Variants in RMI1 observed in about 807,000 individuals in gnomAD.
The protein encoded by RMI1 is RecQ mediated genome instability 1, also known as recQ-mediated genome instability protein 1.
In RMI1, 36 loss-of-function variants were observed where a neutral mutation model predicts 46.7. That is an observed-to-expected ratio of 0.77 (90% CI 0.59 to 1.02). The LOEUF (loss-of-function observed/expected upper bound fraction) is 1.02, where lower values mean the gene tolerates loss of function less well. RMI1 is among the 50% of genes least tolerant of loss of function. The pLI is 0.00. For synonymous variants in RMI1, 250 were observed against 252.9 expected (o/e 0.99, Z 0.11); for missense variants, 676 against 713.7 (o/e 0.95, Z 0.60).
intron 1 of RMI1, among the ~76,000 whole-genome samples, chr9:83,989,472 C>T (rs957267156): frequency 5.3e-5 from 8 of 151,960 alleles, no homozygotes; most frequent in Non-Finnish European, 1.0e-4. Flanking sequence ...ATATAAGGAG[C>T]TGAAACAATG....
At chr9:83,992,115 A>G (rs1957583800) in intron 1 of RMI1, among the ~76,000 whole-genome samples, 1 of 152,224 alleles carries the variant, frequency 6.6e-6, no homozygotes, top group Non-Finnish European at 1.5e-5. Context: ...ATCCATGAAC[A>G]CATCCATATC....
At chr9:83,993,669 G>A (rs1257165757) in intron 1 of RMI1, among the ~76,000 whole-genome samples, 1 of 152,036 alleles carries the variant, frequency 6.6e-6, no homozygotes, top group Admixed American at 6.6e-5. Context: ...TTTGATATTG[G>A]CACTTCTAAC....
Position 84,001,570 on chromosome 9 carries a change from A to G in RMI1, c.584A>G (p.Asp195Gly). The G allele has an allele frequency of 6.2e-7, 1 of 1,613,978 alleles. No homozygotes were observed. The highest frequency in any genetic ancestry group is 1.1e-5 in the South Asian group (1 of 91,082). ...ENVKVLGGEV[D>G]ALLEEYAQEK... ...GTGAAAGTGTTAGGAGGTGAAGTAG[A>G]TGCTCTTTTAGAAGAATATGCCCAA... The change falls in exon 3 of 3, where the codon GAT (aspartate) becomes GGT (glycine). Residue 195 changes from aspartate (D) to glycine (G), a missense_variant. Physicochemically the swap from Asp to Gly is moderately conservative, Grantham distance 94. Transcript: ENST00000445877.
chr9:84,003,025 A>T lies in RMI1; in HGVS notation c.*161A>T. ...GTTTAATCATGTTTGTTATATGTGGAGCTTTTGAAAATAAGTTAATCTTTT... is the reference window on the plus strand; with the variant it reads ...GTTTAATCATGTTTGTTATATGTGGTGCTTTTGAAAATAAGTTAATCTTTT... On this transcript the variant is annotated 3_prime_UTR_variant, in exon 3 of 3. Transcript: ENST00000445877. 2.0e-6 allele frequency: 1 copy of T among 488,256 alleles called. No individual in the cohort carries two copies. The highest frequency in any genetic ancestry group is 3.8e-5 in the Admixed American group (1 of 26,248). The allele number at this position is 488,256 out of a possible 1,614,324, so 30.2% of individuals were successfully genotyped here.
chr9:84,003,040 G>C lies in RMI1; in HGVS notation c.*176G>C, dbSNP rs950173010. 2 of 374,498 alleles carry C rather than the reference G, an allele frequency of 5.3e-6. No homozygotes were observed. The highest frequency in any genetic ancestry group is 7.7e-4 in the Middle Eastern group (1 of 1,304). 23.2% of individuals were successfully genotyped at this position (374,498 alleles called of 1,614,324 possible). A position where few individuals can be genotyped will look rare whatever the true frequency, so the allele number is the denominator to read the frequency against. The stretch of plus-strand genomic sequence containing the variant: ...TTATATGTGGAGCTTTTGAAAATAA[G>C]TTAATCTTTTTTTTTTTTTTTTTAA... On this transcript the variant is annotated 3_prime_UTR_variant, in exon 3 of 3. Coordinates refer to ENST00000445877, the MANE Select transcript of RMI1 (RefSeq NM_001358291.2).
rs1411234632 is a variant in RMI1, at chr9:84,001,399, A to G, written c.413A>G (p.Gln138Arg). The change falls in exon 3 of 3, where the codon CAG becomes CGG. Residue 138 changes from glutamine to arginine, a missense_variant. Coordinates refer to ENST00000445877, the MANE Select transcript of RMI1 (RefSeq NM_001358291.2). Reference protein sequence around the residue: ...EAKPSRMLMLQLTDGIVQIQG... With the variant: ...EAKPSRMLMLRLTDGIVQIQG... ...AAGCCTTCACGAATGTTGATGCTGCAGCTAACTGATGGAATCGTACAAATA... is the reference window on the plus strand; with the variant it reads ...AAGCCTTCACGAATGTTGATGCTGCGGCTAACTGATGGAATCGTACAAATA... 3 of 1,614,154 alleles carry G rather than the reference A, an allele frequency of 1.9e-6. No individual in the cohort carries two copies. In the Admixed American group the frequency reaches 5.0e-5, roughly 27 times the overall value.
intron 1 of RMI1, among the ~76,000 whole-genome samples, chr9:83,994,140 A>G (rs1449107402): frequency 6.6e-6 from 1 of 151,804 alleles, no homozygotes. Flanking sequence ...TTCAAATTGG[A>G]TTATTTTTTG....
rs543830945 is a variant in RMI1, at chr9:83,984,724, G to C, written c.-126+3833G>C. On this transcript the variant is annotated intron_variant, in intron 1 of 2. Transcript: ENST00000445877. ...TTACAGGCATGCGCCACCAGGCTCA[G>C]CTAATTTTTTTGTATTTTTAGTAGA... Among the ~76,000 whole-genome samples the C allele has an allele frequency of 5.3e-5, 8 of 151,642 alleles. No individual in the cohort carries two copies. The South Asian group carries it at 1.7e-3, about 32-fold the overall frequency.
At chr9:83,983,215 C>T (rs1957445003) in intron 1 of RMI1, among the ~76,000 whole-genome samples, 1 of 152,156 alleles carries the variant, frequency 6.6e-6, no homozygotes, top group African/African-American at 2.4e-5. Flanking sequence ...TGTTAGTTAT[C>T]TTTGTTTTGT....
In RMI1 at chr9:84,001,526, C is replaced by G; in HGVS notation, c.540C>G (p.Leu180=). 1 of 1,613,712 alleles carries G rather than the reference C, an allele frequency of 6.2e-7. No individual in the cohort carries two copies. Among genetic ancestry groups the G allele is most frequent in the Non-Finnish European group, 8.5e-7 (1 of 1,179,946 alleles). ...ATATATCTTTCCGTCTTGGTGTTCT[C>G]TTATTGAAACCAGAAAACGTGAAAG... ...YGNISFRLGV[L]LLKPENVKVL... The change falls in exon 3 of 3, where the codon CTC becomes CTG. Residue 180 remains leucine (L), a synonymous_variant. Transcript: ENST00000445877.
At chr9:83,981,950 C>T (rs1957411806) in intron 1 of RMI1, among the ~76,000 whole-genome samples, 1 of 152,160 alleles carries the variant, frequency 6.6e-6, no homozygotes, top group African/African-American at 2.4e-5. Context: ...TTAACACATG[C>T]TGTTAGAACA....
At position 84,002,799 on chromosome 9, in the gene RMI1, G is replaced by T. The variant is rs150128177; in HGVS notation, c.1813G>T (p.Val605Leu). The T allele has an allele frequency of 2.4e-4, 388 of 1,606,202 alleles. 1 individual carries two copies. The African/African-American group carries it at 4.6e-3, about 19-fold the overall frequency. Residue 605 changes from valine (V) to leucine (L), a missense_variant, in exon 3 of 3, where the codon GTA becomes TTA. Coordinates refer to ENST00000445877, the MANE Select transcript of RMI1 (RefSeq NM_001358291.2). ...TAATCCTTCCTTGTCTAAAGCAATG[G>T]TACTGGCATTACAAGATGTTAATAT... is the stretch of plus-strand genomic sequence containing the variant. ...SFNPSLSKAM[V>L]LALQDVNMEH...
chr9:83,985,347 CAG>C (rs1475432123), intron 1 of RMI1, among the ~76,000 whole-genome samples: 1 of 152,144 alleles, frequency 6.6e-6, no homozygotes, highest in Admixed American at 6.5e-5. Flanking sequence ...ATCTGTGTAA[CAG>C]ATGTATGTTA....
At chr9:83,982,887 T>C (rs993437574) in intron 1 of RMI1, among the ~76,000 whole-genome samples, 4 of 152,214 alleles carry the variant, frequency 2.6e-5, no homozygotes, top group African/African-American at 9.7e-5. Flanking sequence ...ATTCTCTGTT[T>C]GAAATTAAGA....
At chr9:83,982,351 A>C in intron 1 of RMI1, among the ~76,000 whole-genome samples, 1 of 152,256 alleles carries the variant, frequency 6.6e-6, no homozygotes, top group East Asian at 1.9e-4. Flanking sequence ...TGGGAATCAC[A>C]AGTAAGCAGC....
chr9:83,998,096 C>A (rs1957685034), intron 1 of RMI1, among the ~76,000 whole-genome samples: 1 of 152,136 alleles, frequency 6.6e-6, no homozygotes. Context: ...CATGCCCAGC[C>A]AAGATAGGAA....
At chr9:83,986,753 G>A (rs1451034801) in intron 1 of RMI1, among the ~76,000 whole-genome samples, 2 of 152,138 alleles carry the variant, frequency 1.3e-5, no homozygotes, top group Non-Finnish European at 2.9e-5. Flanking sequence ...GGGAAATATA[G>A]GATTAATATC....
intron 1 of RMI1, among the ~76,000 whole-genome samples, chr9:83,986,097 A>G (rs1390601296): frequency 6.6e-6 from 1 of 152,230 alleles, no homozygotes; most frequent in East Asian, 1.9e-4. Flanking sequence ...AAGCCTTAGA[A>G]TATCAGTTTG....
chr9:84,000,772 C>A (rs1957725283), intron 2 of RMI1, among the ~76,000 whole-genome samples, 179 bp from the exon 3 acceptor site: 2 of 152,130 alleles, frequency 1.3e-5, no homozygotes, highest in Non-Finnish European at 2.9e-5. Flanking sequence ...ATAGCTGTCT[C>A]AAACCTTTTG....
Sources: allele counts gnomAD v4.1 joint callset (sites outside exome capture counted in the v4.1 genomes callset), GRCh38; gene constraint gnomAD v4.1.1; transcripts MANE v1.5; gene names NCBI Gene and HGNC (gene_info 2026-07-23, HGNC 2026-07-21).